The following DRAM1 variants were observed in gnomAD, a reference collection of about 807,000 sequenced individuals.
DRAM1 encodes DNA damage regulated autophagy modulator 1.
Under a neutral mutation model 28.5 loss-of-function variants are expected in DRAM1, and 25 were observed. The ratio of observed to expected loss-of-function variants is 0.88; its 90% CI spans 0.64 to 1.23. DRAM1 has a LOEUF of 1.23. Among genes scored for constraint, DRAM1 ranks in the 50% most tolerant of loss-of-function variants. The pLI, the probability that DRAM1 is intolerant of heterozygous loss-of-function variation, is 0.00. For synonymous variants in DRAM1, 113 were observed against 114.2 expected (o/e 0.99, Z 0.07); for missense variants, 249 against 299.2 (o/e 0.83, Z 1.24).
intron 3 of DRAM1, among the ~76,000 whole-genome samples, chr12:101,905,903 C>A (rs1405198779): frequency 1.3e-5 from 2 of 152,264 alleles, no homozygotes; most frequent in African/African-American, 4.8e-5. Context: ...AATTCTCCTG[C>A]CTCAGTCTCC....
At chr12:101,883,047 C>T (rs979023395) in intron 1 of DRAM1, among the ~76,000 whole-genome samples, 5 of 150,862 alleles carry the variant, frequency 3.3e-5, no homozygotes, top group South Asian at 2.2e-4. Flanking sequence ...CAGATTTTTA[C>T]GTCAATACAC....
intron 4 of DRAM1, among the ~76,000 whole-genome samples, chr12:101,912,787 G>A (rs1367431126): frequency 2.7e-5 from 4 of 147,602 alleles, no homozygotes; most frequent in African/African-American, 1.0e-4. Flanking sequence ...AGGTTGGAGT[G>A]CAGTGGTGCA....
intron 4 of DRAM1, among the ~76,000 whole-genome samples, chr12:101,908,595 A>G (rs1224344331): frequency 6.6e-6 from 1 of 152,034 alleles, no homozygotes; most frequent in African/African-American, 2.4e-5. Context: ...GATGAGGGGG[A>G]ATTCTGGCCA....
intron 1 of DRAM1, 83 bp downstream of exon 1, chr12:101,878,003 C>G (rs1872557217): frequency 5.2e-6 from 7 of 1,350,692 alleles, no homozygotes; most frequent in Middle Eastern, 2.2e-4. Context: ...GGAAGGCGTC[C>G]GGACCCAGCT....
intron 5 of DRAM1, among the ~76,000 whole-genome samples, chr12:101,915,125 G>A (rs1046238740): frequency 1.3e-5 from 2 of 151,792 alleles, no homozygotes; most frequent in Non-Finnish European, 2.9e-5. Flanking sequence ...GACTATAGGC[G>A]CCTGCCACCA....
At chr12:101,917,694 C>CAAAAA (rs34726299) in intron 5 of DRAM1, among the ~76,000 whole-genome samples, 15 of 107,774 alleles carry the variant, frequency 1.4e-4, no homozygotes, top group African/African-American at 3.5e-4. Flanking sequence ...GACTCCATCT[C>CAAAAA]AAAAAAAAAA....
intron 3 of DRAM1, 58 bp downstream of exon 3, chr12:101,901,491 A>G: frequency 6.4e-7 from 1 of 1,571,832 alleles, no homozygotes; most frequent in Non-Finnish European, 8.6e-7. Context: ...GTCTGAAGAG[A>G]GCAGCAGAAA....
Position 101,923,492 on chromosome 12 carries a change from G to C in DRAM1, c.*2232G>C, listed in dbSNP as rs1461847058. On this transcript the variant is annotated 3_prime_UTR_variant, in exon 7 of 7. Transcript: ENST00000258534. ...TGTAGGAGCTTAAGAAATACTCACT[G>C]AATGCATGAATGAATGAATGAACAA... is the stretch of plus-strand genomic sequence containing the variant. 1.3e-5 allele frequency: 2 copies of C among 152,206 alleles called. No homozygotes were observed. Among genetic ancestry groups the C allele is most frequent in the South Asian group, 4.1e-4 (2 of 4,826 alleles). 9.4% of individuals were successfully genotyped at this position (152,206 alleles called of 1,614,324 possible). A position where few individuals can be genotyped will look rare whatever the true frequency, so the allele number is the denominator to read the frequency against.
chr12:101,900,840 C>T (rs7306175), intron 2 of DRAM1, among the ~76,000 whole-genome samples: 1 of 151,842 alleles, frequency 6.6e-6, no homozygotes, highest in Admixed American at 6.6e-5. Context: ...ATATTCATGG[C>T]GTGTTGTTTG....
chr12:101,907,475 T>C (rs905961953), intron 3 of DRAM1, among the ~76,000 whole-genome samples: 2 of 152,058 alleles, frequency 1.3e-5, no homozygotes, highest in African/African-American at 4.8e-5. Flanking sequence ...GTGCGGTGGC[T>C]CACGCCTGTA....
intron 1 of DRAM1, among the ~76,000 whole-genome samples, chr12:101,885,036 C>T (rs565739177): frequency 7.3e-5 from 11 of 151,246 alleles, no homozygotes; most frequent in South Asian, 2.1e-4. Flanking sequence ...CTGGTTCAAG[C>T]GATTCTCCCA....
intron 1 of DRAM1, among the ~76,000 whole-genome samples, chr12:101,888,592 T>A (rs1872975043): frequency 6.6e-6 from 1 of 152,186 alleles, no homozygotes; most frequent in African/African-American, 2.4e-5. Flanking sequence ...TTGTTCAGCC[T>A]GAGTCTACTG....
At chr12:101,890,443 C>A (rs1873072470) in intron 1 of DRAM1, among the ~76,000 whole-genome samples, 1 of 23,638 alleles carries the variant, frequency 4.2e-5, no homozygotes, top group South Asian at 1.4e-3. Flanking sequence ...AGATTCCCCT[C>A]AAATAACTTT....
chr12:101,887,532 CTTT>C (rs574383974), intron 1 of DRAM1, among the ~76,000 whole-genome samples: 1 of 143,840 alleles, frequency 7.0e-6, no homozygotes. Flanking sequence ...AGACTTTTTT[CTTT>C]TTCTTTTTTT....
At chr12:101,901,552 A>G in intron 3 of DRAM1, 119 bp downstream of exon 3, 2 of 1,245,952 alleles carry the variant, frequency 1.6e-6, no homozygotes, top group Non-Finnish European at 2.2e-6. Flanking sequence ...TGATGAGTTT[A>G]CAATAAGTGG....
intron 5 of DRAM1, 98 bp from the exon 6 acceptor site, chr12:101,920,011 C>A: frequency 1.3e-6 from 1 of 779,314 alleles, no homozygotes; most frequent in Non-Finnish European, 2.0e-6. Context: ...GCTCACTGGA[C>A]AGCTTTTTCC....
chr12:101,920,272 T>A, intron 6 of DRAM1, 71 bp downstream of exon 6: 1 of 1,117,916 alleles, frequency 8.9e-7, no homozygotes, highest in Admixed American at 2.5e-5. Context: ...CAGAAGACAT[T>A]TTGCATTTTT....
intron 5 of DRAM1, among the ~76,000 whole-genome samples, chr12:101,919,675 C>T (rs558109289): frequency 1.2e-3 from 188 of 152,338 alleles, no homozygotes; most frequent in Admixed American, 1.8e-3. Context: ...CCAAGTTCAT[C>T]TAGATGTGTA....
At chr12:101,920,274 TGC>T in intron 6 of DRAM1, 73 bp downstream of exon 6, 1 of 1,096,610 alleles carries the variant, frequency 9.1e-7, no homozygotes, top group Non-Finnish European at 1.3e-6. Context: ...GAAGACATTT[TGC>T]ATTTTTAAAA....
Sources: allele counts gnomAD v4.1 joint callset (sites outside exome capture counted in the v4.1 genomes callset), GRCh38; gene constraint gnomAD v4.1.1; transcripts MANE v1.5; gene names NCBI Gene and HGNC (gene_info 2026-07-23, HGNC 2026-07-21).